PLCB1: variants seen among roughly 807,000 people sequenced by gnomAD.
PLCB1 encodes the protein phospholipase C beta 1.
Under a neutral mutation model 161.8 loss-of-function variants are expected in PLCB1, and 46 were observed. The observed-to-expected ratio is 0.28, with a 90% CI of 0.22 to 0.36. The LOEUF (loss-of-function observed/expected upper bound fraction) is 0.36, where lower values mean the gene tolerates loss of function less well. PLCB1 is among the 10% of genes least tolerant of loss of function. The pLI, the probability that PLCB1 is intolerant of heterozygous loss-of-function variation, is 1.00. For missense variants in PLCB1, 1,016 were observed against 1,472.5 expected (o/e 0.69, Z 5.07); for synonymous variants, 517 against 503.7 (o/e 1.03, Z -0.35).
At chr20:8,838,293 A>G (rs536963188) in intron 31 of PLCB1, among the ~76,000 whole-genome samples, 3 of 152,252 alleles carry the variant, frequency 2.0e-5, no homozygotes, top group East Asian at 1.9e-4. Context: ...CCAGGTGACT[A>G]TGCATTGGAG....
chr20:8,419,190 T>TC (rs1979429932), intron 3 of PLCB1, among the ~76,000 whole-genome samples: 1 of 152,206 alleles, frequency 6.6e-6, no homozygotes, highest in African/African-American at 2.4e-5. Context: ...AGTTTACTTG[T>TC]CTTTGGTGTA....
At chr20:8,782,092 G>C (rs184938677) in intron 27 of PLCB1, among the ~76,000 whole-genome samples, 7 of 152,110 alleles carry the variant, frequency 4.6e-5, no homozygotes, top group African/African-American at 1.7e-4. Context: ...CAAATAAGCA[G>C]CTATTTTAAT....
chr20:8,735,190 A>G (rs910298434), intron 19 of PLCB1, among the ~76,000 whole-genome samples: 7 of 152,346 alleles, frequency 4.6e-5, no homozygotes, highest in African/African-American at 7.2e-5. Context: ...AGTTCGGTTG[A>G]ATTAATAATA....
chr20:8,298,889 T>A (rs888947004), intron 2 of PLCB1, among the ~76,000 whole-genome samples: 5 of 152,178 alleles, frequency 3.3e-5, no homozygotes, highest in Non-Finnish European at 7.3e-5. Context: ...TAGGAAAGGC[T>A]ATGCACAGCA....
intron 3 of PLCB1, among the ~76,000 whole-genome samples, chr20:8,454,351 T>C (rs1225192455): frequency 1.3e-5 from 2 of 152,164 alleles, no homozygotes; most frequent in Non-Finnish European, 2.9e-5. Context: ...GGGAGATGGC[T>C]GTCTTTGAAG....
chr20:8,305,179 GGCCA>G (rs1211643138), intron 2 of PLCB1, among the ~76,000 whole-genome samples: 2 of 152,036 alleles, frequency 1.3e-5, no homozygotes, highest in Non-Finnish European at 2.9e-5. Flanking sequence ...CTTAACTCGT[GGCCA>G]TTTATTCCTT....
chr20:8,218,628 T>G (rs1979254008), intron 2 of PLCB1, among the ~76,000 whole-genome samples: 4 of 151,854 alleles, frequency 2.6e-5, no homozygotes, highest in Admixed American at 6.6e-5. Context: ...AAGCACTCTA[T>G]AGCTATTGAC....
intron 3 of PLCB1, among the ~76,000 whole-genome samples, chr20:8,467,046 T>G (rs1367818738): frequency 1.3e-5 from 2 of 152,174 alleles, no homozygotes; most frequent in Non-Finnish European, 2.9e-5. Context: ...TTCAAGCGAT[T>G]CTCATGACTC....
chr20:8,657,393 G>A, intron 8 of PLCB1, 109 bp downstream of exon 8: 1 of 723,626 alleles, frequency 1.4e-6, no homozygotes, highest in Non-Finnish European at 2.5e-6. Context: ...CATACACTGT[G>A]TCTAAAAGCA....
At chr20:8,547,970 A>G (rs1985616107) in intron 3 of PLCB1, among the ~76,000 whole-genome samples, 3 of 152,090 alleles carry the variant, frequency 2.0e-5, no homozygotes, top group East Asian at 3.9e-4. Context: ...CTCTTCCCTT[A>G]GTTATACTTT....
intron 31 of PLCB1, among the ~76,000 whole-genome samples, chr20:8,855,570 A>C (rs1483695124): frequency 6.6e-6 from 1 of 152,250 alleles, no homozygotes; most frequent in African/African-American, 2.4e-5. Flanking sequence ...TTAATAGGAA[A>C]GTTTAGAAAA....
chr20:8,452,416 T>C (rs1281916466), intron 3 of PLCB1, among the ~76,000 whole-genome samples: 1 of 152,208 alleles, frequency 6.6e-6, no homozygotes, highest in African/African-American at 2.4e-5. Flanking sequence ...GGAGAAAACT[T>C]AGCTCTGCCA....
chr20:8,330,991 A>G (rs1179655207), intron 2 of PLCB1, among the ~76,000 whole-genome samples: 2 of 152,234 alleles, frequency 1.3e-5, no homozygotes, highest in Non-Finnish European at 2.9e-5. Flanking sequence ...ACTATATAAA[A>G]TACCATTTTG....
intron 3 of PLCB1, among the ~76,000 whole-genome samples, chr20:8,429,675 A>T (rs145566257): frequency 6.6e-6 from 1 of 152,178 alleles, no homozygotes; most frequent in East Asian, 1.9e-4. Context: ...AACAATATCA[A>T]ACCATTGACC....
At chr20:8,802,969 T>C (rs1300655961) in intron 31 of PLCB1, among the ~76,000 whole-genome samples, 1 of 152,266 alleles carries the variant, frequency 6.6e-6, no homozygotes, top group Non-Finnish European at 1.5e-5. Flanking sequence ...AAGCAAACTT[T>C]ATTCTAATGT....
At chr20:8,676,739 C>A (rs1568556652) in intron 9 of PLCB1, among the ~76,000 whole-genome samples, 4 of 152,274 alleles carry the variant, frequency 2.6e-5, no homozygotes, top group South Asian at 4.1e-4. Flanking sequence ...ATCCAATCAG[C>A]TTTTTAGTCT....
intron 2 of PLCB1, among the ~76,000 whole-genome samples, chr20:8,245,238 T>A (rs1980823302): frequency 6.6e-6 from 1 of 151,896 alleles, no homozygotes; most frequent in African/African-American, 2.4e-5. Flanking sequence ...TCACAACCTA[T>A]GTGTGTCCTA....
intron 2 of PLCB1, among the ~76,000 whole-genome samples, chr20:8,324,914 A>T (rs1445729104): frequency 6.6e-6 from 1 of 152,236 alleles, no homozygotes. Flanking sequence ...GGATTTTTCC[A>T]TGTGGGAATA....
chr20:8,378,975 A>G (rs903162761), intron 3 of PLCB1, among the ~76,000 whole-genome samples: 1 of 151,982 alleles, frequency 6.6e-6, no homozygotes, highest in Non-Finnish European at 1.5e-5. Context: ...ATTTTGTTTT[A>G]TGTTTTTAAT....
Sources: allele counts gnomAD v4.1 joint callset (sites outside exome capture counted in the v4.1 genomes callset), GRCh38; gene constraint gnomAD v4.1.1; transcripts MANE v1.5; gene names NCBI Gene and HGNC (gene_info 2026-07-23, HGNC 2026-07-21).